Variants in DIAPH3 observed in about 807,000 individuals in gnomAD.
DIAPH3 encodes diaphanous related formin 3.
Under a neutral mutation model 144.3 loss-of-function variants are expected in DIAPH3, and 117 were observed. The ratio of observed to expected loss-of-function variants is 0.81; its 90% CI spans 0.70 to 0.95. DIAPH3 has a LOEUF of 0.95. Among genes scored for constraint, DIAPH3 ranks in the 40% least tolerant of loss-of-function variants. DIAPH3 has a pLI of 0.00. For synonymous variants in DIAPH3, 519 were observed against 488.9 expected (o/e 1.06, Z -0.81); for missense variants, 1,421 against 1,412.7 (o/e 1.01, Z -0.09).
At chr13:59,802,667 A>ATTATTATTATTATTTTT (rs1433627853) in intron 25 of DIAPH3, among the ~76,000 whole-genome samples, 2 of 23,764 alleles carry the variant, frequency 8.4e-5, no homozygotes, top group African/African-American at 3.0e-4. Context: ...TATTATTATT[A>ATTATTATTATTATTTTT]TTTTTTTTTT....
At chr13:60,076,335 C>T (rs1257893165) in intron 4 of DIAPH3, among the ~76,000 whole-genome samples, 1 of 152,120 alleles carries the variant, frequency 6.6e-6, no homozygotes, top group Non-Finnish European at 1.5e-5. Context: ...CGAAGAAACC[C>T]CCTCTGTCGA....
chr13:59,896,262 T>C (rs920843479), intron 20 of DIAPH3, among the ~76,000 whole-genome samples: 1 of 152,206 alleles, frequency 6.6e-6, no homozygotes. Flanking sequence ...CTTTGTGAAC[T>C]GTAAGTCACT....
intron 27 of DIAPH3, among the ~76,000 whole-genome samples, chr13:59,721,706 G>A (rs2035354921): frequency 6.6e-6 from 1 of 152,044 alleles, no homozygotes; most frequent in Non-Finnish European, 1.5e-5. Context: ...CAAAATAATG[G>A]CAACGACAGT....
In DIAPH3 at chr13:60,137,528, T is replaced by C. The variant is rs74686589; in HGVS notation, c.181-4539A>G. Among the ~76,000 whole-genome samples the C allele has an allele frequency of 3.9e-5, 6 of 152,098 alleles. No individual in the cohort carries two copies. The East Asian group carries it at 9.7e-4, about 24-fold the overall frequency. On this transcript the variant is annotated intron_variant, in intron 1 of 27. Coordinates refer to ENST00000400324, the MANE Select transcript of DIAPH3 (RefSeq NM_001042517.2). ...GATGCCAAGCTGTAGCCCAAGACTT[T>C]TCGCAAATTTTATGTTTTCTTTCAT...
At chr13:59,886,292 T>C (rs1232335491) in intron 20 of DIAPH3, among the ~76,000 whole-genome samples, 1 of 152,122 alleles carries the variant, frequency 6.6e-6, no homozygotes, top group South Asian at 2.1e-4. Context: ...AGAACATCAT[T>C]GAATATCAAA....
At chr13:60,038,865 T>C (rs1438827170) in intron 5 of DIAPH3, among the ~76,000 whole-genome samples, 2 of 84,448 alleles carry the variant, frequency 2.4e-5, no homozygotes, top group African/African-American at 1.1e-4. Context: ...ATGAGTATGA[T>C]CTATAAATGC....
rs556433032 is a variant in DIAPH3 at position 60,032,882 on chromosome 13, G to A, written c.626+9808C>T. On this transcript the variant is annotated intron_variant, in intron 5 of 27. Transcript: ENST00000400324. ...GGCTGCAAATTTTCCAAACCTTTATGCTCTTCTTCCTGTTCAAATATAAAT... is the reference window on the plus strand; with the variant it reads ...GGCTGCAAATTTTCCAAACCTTTATACTCTTCTTCCTGTTCAAATATAAAT... 1.2e-3 allele frequency among the ~76,000 whole-genome samples: 188 copies of A among 152,272 alleles called. 2 individuals carry two copies. Among genetic ancestry groups the A allele is most frequent in the Non-Finnish European group, 1.4e-3 (93 of 68,020 alleles).
intron 3 of DIAPH3, among the ~76,000 whole-genome samples, chr13:60,105,099 C>CAAAAAAAAAAAACAA (rs530311392): frequency 2.4e-5 from 1 of 41,840 alleles, no homozygotes; most frequent in African/African-American, 1.0e-4. Context: ...GACACGATCT[C>CAAAAAAAAAAAACAA]AAAAAAAAAA....
rs150405362 is a variant in DIAPH3 at position 59,821,542 on chromosome 13, C to T, written c.3028-10619G>A. On this transcript the variant is annotated intron_variant, in intron 24 of 27. Coordinates refer to ENST00000400324, the MANE Select transcript of DIAPH3 (RefSeq NM_001042517.2). ...AAAGTCTGTCAGAATATAGAAATTA[C>T]GTGATCTACTTTTCAGTTTTCCATT... Among the ~76,000 whole-genome samples the T allele has an allele frequency of 7.3e-3, 1,109 of 152,162 alleles. 5 individuals carry two copies. Among genetic ancestry groups the T allele is most frequent in the South Asian group, 0.01 (49 of 4,822 alleles).
At chr13:59,739,403 G>T (rs1179392272) in intron 27 of DIAPH3, among the ~76,000 whole-genome samples, 1 of 152,098 alleles carries the variant, frequency 6.6e-6, no homozygotes, top group African/African-American at 2.4e-5. Context: ...ACTCCTCTAA[G>T]TATTCATTTG....
At chr13:59,769,081 A>G (rs994695693) in intron 27 of DIAPH3, among the ~76,000 whole-genome samples, 2 of 152,186 alleles carry the variant, frequency 1.3e-5, no homozygotes, top group African/African-American at 4.8e-5. Context: ...CCACCTAATA[A>G]GGATGCAAAC....
At chr13:59,794,410 G>A (rs1359102846) in intron 25 of DIAPH3, among the ~76,000 whole-genome samples, 2 of 151,818 alleles carry the variant, frequency 1.3e-5, no homozygotes, top group African/African-American at 4.8e-5. Flanking sequence ...ATAATAGAAG[G>A]ATTTCTGTAT....
intron 17 of DIAPH3, among the ~76,000 whole-genome samples, chr13:59,957,121 T>C (rs2049454575): frequency 1.3e-5 from 2 of 152,320 alleles, no homozygotes; most frequent in Non-Finnish European, 2.9e-5. Context: ...GAGTTAATGC[T>C]GAAATGAGTT....
chr13:60,092,480 G>A (rs924035549), intron 4 of DIAPH3, among the ~76,000 whole-genome samples: 8 of 152,190 alleles, frequency 5.3e-5, no homozygotes, highest in African/African-American at 9.6e-5. Context: ...GTGAAACCCC[G>A]TCTCTAATAA....
rs1324633645 is a variant in DIAPH3, at chr13:60,156,918, C to CACATATATATATATATAT, written c.180+6668_180+6669insATATATATATATATATGT. 7.7e-4 allele frequency among the ~76,000 whole-genome samples: 43 copies of CACATATATATATATATAT among 55,488 alleles called. 5 individuals carry two copies. The highest frequency in any genetic ancestry group is 1.0e-3 in the Non-Finnish European group (30 of 29,158). 36.4% of individuals were successfully genotyped at this position (55,488 alleles called of 152,430 possible). A position where few individuals can be genotyped will look rare whatever the true frequency, so the allele number is the denominator to read the frequency against. Reference sequence around the variant, plus strand: ...TAGTGGCCCAGAGACCCAGATCCTTCATATATATATATATATATATATTTT... The same window carrying CACATATATATATATATAT: ...TAGTGGCCCAGAGACCCAGATCCTTCACATATATATATATATATATATATATATATATATATATATTTT... On this transcript the variant is annotated intron_variant, in intron 1 of 27. Transcript: ENST00000400324.
chr13:59,833,035 A>G (rs1368378616), intron 24 of DIAPH3, 72 bp downstream of exon 24: 1 of 1,131,328 alleles, frequency 8.8e-7, no homozygotes, highest in Non-Finnish European at 1.3e-6. Context: ...CAAGAGTAGA[A>G]CGATGTAATG....
intron 4 of DIAPH3, among the ~76,000 whole-genome samples, chr13:60,083,851 C>T (rs770895346): frequency 2.0e-5 from 3 of 151,946 alleles, no homozygotes; most frequent in Non-Finnish European, 4.4e-5. Context: ...TTACAGTAAG[C>T]TATCATCACT....
rs112501324 is a variant in DIAPH3 at position 59,930,572 on chromosome 13, A to T, written c.2075-5702T>A. ...TCTAAAGGCACTGAAAGACTTGAAG[A>T]TAATAAGAACAGAAAATATTAAACA... On this transcript the variant is annotated intron_variant, in intron 17 of 27. Coordinates refer to ENST00000400324, the MANE Select transcript of DIAPH3 (RefSeq NM_001042517.2). Among the ~76,000 whole-genome samples the T allele has an allele frequency of 7.6e-4, 115 of 152,308 alleles. 1 individual carries two copies. The highest frequency in any genetic ancestry group is 2.7e-3 in the African/African-American group (113 of 41,580).
Position 59,790,187 on chromosome 13 carries a change from G to T in DIAPH3, c.3164-15364C>A, listed in dbSNP as rs2039254343. 2.0e-5 allele frequency among the ~76,000 whole-genome samples: 3 copies of T among 152,308 alleles called. No individual in the cohort carries two copies. The South Asian group carries it at 6.2e-4, about 32-fold the overall frequency. Reference sequence around the variant, plus strand: ...AATGTTACACAAAATAAATCAGGGTGCTATGAAATTGCTTAATACTGAGGC... The same window carrying T: ...AATGTTACACAAAATAAATCAGGGTTCTATGAAATTGCTTAATACTGAGGC... On this transcript the variant is annotated intron_variant, in intron 25 of 27. Coordinates refer to ENST00000400324, the MANE Select transcript of DIAPH3 (RefSeq NM_001042517.2).
Sources: allele counts gnomAD v4.1 joint callset (sites outside exome capture counted in the v4.1 genomes callset), GRCh38; gene constraint gnomAD v4.1.1; transcripts MANE v1.5; gene names NCBI Gene and HGNC (gene_info 2026-07-23, HGNC 2026-07-21).